Variants in ST6GALNAC5 observed in about 807,000 individuals in gnomAD.
ST6GALNAC5 encodes the protein alpha-N-acetylgalactosaminide alpha-2,6-sialyltransferase 5.
A neutral mutation model predicts 33.6 loss-of-function variants in ST6GALNAC5; 27 were observed. The ratio of observed to expected loss-of-function variants is 0.80; its 90% CI spans 0.59 to 1.11. The LOEUF (loss-of-function observed/expected upper bound fraction) is 1.11, where lower values mean the gene tolerates loss of function less well. ST6GALNAC5 is among the 50% of genes least tolerant of loss of function. The pLI is 0.00. For synonymous variants in ST6GALNAC5, 194 were observed against 171.2 expected (o/e 1.13, Z -1.04); for missense variants, 428 against 454.0 (o/e 0.94, Z 0.52).
At chr1:77,057,708 G>C (rs1652446318) in intron 4 of ST6GALNAC5, among the ~76,000 whole-genome samples, 1 of 152,194 alleles carries the variant, frequency 6.6e-6, no homozygotes. Flanking sequence ...AACTGCATCA[G>C]AGGAGAACAG....
chr1:76,984,189 C>CA (rs750796441), intron 2 of ST6GALNAC5, among the ~76,000 whole-genome samples: 2 of 152,012 alleles, frequency 1.3e-5, no homozygotes, highest in African/African-American at 2.4e-5. Context: ...GATAGAGACA[C>CA]AAAAAACCCT....
chr1:76,923,415 G>C (rs960889361), intron 2 of ST6GALNAC5, among the ~76,000 whole-genome samples: 1 of 152,038 alleles, frequency 6.6e-6, no homozygotes, highest in African/African-American at 2.4e-5. Context: ...ACCCACAGCC[G>C]AGCACTGTGG....
intron 2 of ST6GALNAC5, among the ~76,000 whole-genome samples, chr1:76,985,504 G>A (rs902090919): frequency 1.3e-5 from 2 of 152,008 alleles, no homozygotes; most frequent in Admixed American, 6.6e-5. Context: ...TACAACGAAA[G>A]AAAAGAGGAC....
chr1:76,946,075 T>G (rs1046555037), intron 2 of ST6GALNAC5, among the ~76,000 whole-genome samples: 2 of 152,108 alleles, frequency 1.3e-5, no homozygotes, highest in African/African-American at 4.8e-5. Context: ...AGATAAAACA[T>G]CAAAATTATC....
intron 2 of ST6GALNAC5, among the ~76,000 whole-genome samples, chr1:76,973,231 G>C (rs558903714): frequency 6.6e-6 from 1 of 151,664 alleles, no homozygotes; most frequent in Non-Finnish European, 1.5e-5. Flanking sequence ...GAACCAATAA[G>C]ATATATATAA....
intron 2 of ST6GALNAC5, among the ~76,000 whole-genome samples, chr1:76,965,028 T>C (rs1648401328): frequency 6.6e-6 from 1 of 152,204 alleles, no homozygotes; most frequent in Admixed American, 6.5e-5. Context: ...TTGGGTTGGT[T>C]CCAAGTCTTT....
At chr1:76,939,441 A>G (rs1429094520) in intron 2 of ST6GALNAC5, among the ~76,000 whole-genome samples, 4 of 152,104 alleles carry the variant, frequency 2.6e-5, no homozygotes, top group Non-Finnish European at 5.9e-5. Context: ...TGCTGTTTCC[A>G]GAACAGAGGC....
intron 2 of ST6GALNAC5, among the ~76,000 whole-genome samples, chr1:77,031,813 T>A (rs1326633632): frequency 6.6e-6 from 1 of 152,212 alleles, no homozygotes; most frequent in African/African-American, 2.4e-5. Context: ...GTCCTGGGGA[T>A]ATTGTGGTGA....
chr1:77,061,786 A>G (rs987852183), intron 4 of ST6GALNAC5, among the ~76,000 whole-genome samples: 10 of 152,024 alleles, frequency 6.6e-5, no homozygotes, highest in African/African-American at 2.4e-4. Flanking sequence ...GGCACCTACC[A>G]CCCCCACATG....
At chr1:77,005,002 A>G (rs950516476) in intron 2 of ST6GALNAC5, among the ~76,000 whole-genome samples, 9 of 150,144 alleles carry the variant, frequency 6.0e-5, no homozygotes, top group African/African-American at 2.2e-4. Flanking sequence ...GGCCTCCTGG[A>G]GCTGTGGTGG....
chr1:76,953,175 G>A (rs902581351), intron 2 of ST6GALNAC5, among the ~76,000 whole-genome samples: 28 of 152,036 alleles, frequency 1.8e-4, no homozygotes, highest in African/African-American at 6.0e-4. Flanking sequence ...GATTTTATGC[G>A]AATATAACTT....
At chr1:76,953,857 T>G (rs916625090) in intron 2 of ST6GALNAC5, among the ~76,000 whole-genome samples, 9 of 152,160 alleles carry the variant, frequency 5.9e-5, no homozygotes, top group African/African-American at 2.2e-4. Flanking sequence ...AAGGTTCATT[T>G]TTCTGCCCAT....
chr1:76,892,082 G>A (rs541710016), intron 2 of ST6GALNAC5, among the ~76,000 whole-genome samples: 19 of 152,278 alleles, frequency 1.2e-4, no homozygotes, highest in East Asian at 3.9e-4. Flanking sequence ...CTAAAATTCC[G>A]TCTGCTTTGT....
chr1:76,995,072 C>G (rs1649875586), intron 2 of ST6GALNAC5, among the ~76,000 whole-genome samples: 1 of 152,132 alleles, frequency 6.6e-6, no homozygotes, highest in Admixed American at 6.6e-5. Flanking sequence ...ATTAAGTAGT[C>G]AGATTGCATT....
chr1:76,994,916 C>A (rs899006313), intron 2 of ST6GALNAC5, among the ~76,000 whole-genome samples: 5 of 152,156 alleles, frequency 3.3e-5, no homozygotes, highest in Non-Finnish European at 7.4e-5. Context: ...CGGGCTCAAA[C>A]ACCAACCTCT....
intron 2 of ST6GALNAC5, among the ~76,000 whole-genome samples, chr1:77,020,886 C>T (rs1651026577): frequency 6.6e-6 from 1 of 152,226 alleles, no homozygotes; most frequent in Admixed American, 6.5e-5. Context: ...TCAGCAGGAG[C>T]TATAGGCAGG....
At chr1:76,911,621 T>G (rs1646913607) in intron 2 of ST6GALNAC5, among the ~76,000 whole-genome samples, 1 of 152,126 alleles carries the variant, frequency 6.6e-6, no homozygotes, top group African/African-American at 2.4e-5. Flanking sequence ...CAATTTCAGA[T>G]CCTGTTATTG....
At chr1:77,057,067 C>T (rs1652422422) in intron 4 of ST6GALNAC5, among the ~76,000 whole-genome samples, 1 of 152,214 alleles carries the variant, frequency 6.6e-6, no homozygotes, top group Non-Finnish European at 1.5e-5. Flanking sequence ...AGCTTCACAG[C>T]TATTAATTCA....
chr1:76,941,001 T>C (rs994844219), intron 2 of ST6GALNAC5, among the ~76,000 whole-genome samples: 8 of 152,092 alleles, frequency 5.3e-5, no homozygotes, highest in African/African-American at 1.9e-4. Context: ...AAAATTAGTA[T>C]GTAAATTGGG....
Sources: gnomAD v4.1 joint callset for allele counts (sites outside exome capture counted in the v4.1 genomes callset) on GRCh38, gnomAD v4.1.1 for gene constraint, MANE v1.5 for transcripts, NCBI Gene and HGNC (gene_info 2026-07-23, HGNC 2026-07-21) for gene names.